TAOK3: variants seen among roughly 807,000 people sequenced by gnomAD.
TAOK3 encodes serine/threonine-protein kinase TAO3.
Under a neutral mutation model 120.4 loss-of-function variants are expected in TAOK3, and 40 were observed. The observed-to-expected ratio is 0.33, with a 90% confidence interval of 0.26 to 0.43. TAOK3 has a LOEUF of 0.43. Among genes scored for constraint, TAOK3 ranks in the 20% least tolerant of loss-of-function variants. TAOK3 has a pLI of 1.00. For synonymous variants in TAOK3, 355 were observed against 387.5 expected (o/e 0.92, Z 0.99); for missense variants, 821 against 1,112.1 (o/e 0.74, Z 3.72).
intron 9 of TAOK3, among the ~76,000 whole-genome samples, chr12:118,217,380 T>C (rs918760279): frequency 5.3e-5 from 8 of 152,276 alleles, no homozygotes; most frequent in Non-Finnish European, 8.8e-5. Flanking sequence ...AAGTGATTTC[T>C]GTACCTCTGA....
At chr12:118,194,217 T>G (rs17512198) in intron 13 of TAOK3, among the ~76,000 whole-genome samples, 18,285 of 152,152 alleles carry the variant, frequency 0.12, 1,195 homozygotes, top group Middle Eastern at 0.15. Flanking sequence ...CTCCCACACT[T>G]TCTACGCTGT....
At chr12:118,186,424 A>G (rs1041649888) in intron 14 of TAOK3, among the ~76,000 whole-genome samples, 1 of 152,194 alleles carries the variant, frequency 6.6e-6, no homozygotes, top group Non-Finnish European at 1.5e-5. Context: ...CAGACACTAC[A>G]AAGTTTTCAG....
rs761465594 is a variant in TAOK3 at position 118,160,864 on chromosome 12, T to C, written c.2140-506A>G. 7.9e-5 allele frequency among the ~76,000 whole-genome samples: 12 copies of C among 152,238 alleles called. No individual in the cohort carries two copies. The highest frequency in any genetic ancestry group is 1.5e-4 in the Non-Finnish European group (10 of 68,044). On this transcript the variant is annotated intron_variant, in intron 18 of 20. Coordinates refer to ENST00000392533, the MANE Select transcript of TAOK3 (RefSeq NM_016281.4). This position sits in a 1 kb window ranked among gnomAD's most constrained non-coding sequence, Gnocchi z 4.2. ...TATCAACTCCATAAAGGAGAGTATATGGATGGTACCTTATATCCTAACGCA... is the reference window on the plus strand; with the variant it reads ...TATCAACTCCATAAAGGAGAGTATACGGATGGTACCTTATATCCTAACGCA...
chr12:118,184,513 T>A (rs1276413565), intron 14 of TAOK3, among the ~76,000 whole-genome samples: 1 of 152,174 alleles, frequency 6.6e-6, no homozygotes, highest in Non-Finnish European at 1.5e-5. Context: ...CCTCTTTAAT[T>A]TTTAGAAGGC....
At chr12:118,215,618 G>T (rs1565959952) in intron 9 of TAOK3, among the ~76,000 whole-genome samples, 2 of 152,086 alleles carry the variant, frequency 1.3e-5, no homozygotes, top group Admixed American at 1.3e-4. Flanking sequence ...TAATTGCTAG[G>T]GGTGACAGTA....
intron 2 of TAOK3, among the ~76,000 whole-genome samples, chr12:118,265,237 A>G (rs899301355): frequency 2.0e-5 from 3 of 151,346 alleles, no homozygotes; most frequent in Non-Finnish European, 2.9e-5. Flanking sequence ...AAAAATACAA[A>G]AACTAGCCGG....
intron 9 of TAOK3, among the ~76,000 whole-genome samples, chr12:118,223,779 G>C (rs868212888): frequency 6.6e-6 from 1 of 151,966 alleles, no homozygotes; most frequent in Non-Finnish European, 1.5e-5. Flanking sequence ...AAGTAGCTGG[G>C]ACTACAGGTG....
At chr12:118,215,171 A>G (rs61945179) in intron 9 of TAOK3, among the ~76,000 whole-genome samples, 102,769 of 145,700 alleles carry the variant, frequency 0.71, 36,207 homozygotes, top group South Asian at 0.72. Context: ...GAGCCACTGC[A>G]CCCAGTCCCA....
rs375327389 is a variant in TAOK3, at chr12:118,245,010, T to C, written c.121-45A>G. The C allele has an allele frequency of 6.1e-6, 8 of 1,313,420 alleles. No individual in the cohort carries two copies. The South Asian group carries it at 9.9e-5, about 16-fold the overall frequency. 81.4% of individuals were successfully genotyped at this position (1,313,420 alleles called of 1,614,324 possible). A position where few individuals can be genotyped will look rare whatever the true frequency, so the allele number is the denominator to read the frequency against. ...GAAAAAGAAAAAGAATTAGTGATGT[T>C]TCAGCCAATTTAACTTAAATATTTG... On this transcript the variant is annotated intron_variant, in intron 3 of 20. Transcript: ENST00000392533.
Position 118,266,930 on chromosome 12 carries a change from CA to C in TAOK3, c.-193-172del, listed in dbSNP as rs139157548. 7.5e-3 allele frequency among the ~76,000 whole-genome samples: 1,149 copies of C among 152,282 alleles called. 12 individuals carry two copies. Among genetic ancestry groups the C allele is most frequent in the African/African-American group, 0.027 (1,118 of 41,550 alleles). ...AGGTAAGATGCTCAAAACAAAGATG[CA>C]AGCTACTCTTTCACAGGCAATATCT... On this transcript the variant is annotated intron_variant, in intron 1 of 20. Coordinates refer to ENST00000392533, the MANE Select transcript of TAOK3 (RefSeq NM_016281.4).
intron 1 of TAOK3, among the ~76,000 whole-genome samples, chr12:118,314,149 C>T (rs1246251015): frequency 3.9e-5 from 6 of 152,114 alleles, no homozygotes; most frequent in Admixed American, 2.6e-4. Flanking sequence ...CTGAAATTAA[C>T]GTTACAGGAA....
At position 118,269,843 on chromosome 12, in the gene TAOK3, G is replaced by A. The variant is rs7296528; in HGVS notation, c.-193-3084C>T. On this transcript the variant is annotated intron_variant, in intron 1 of 20. Coordinates refer to ENST00000392533, the MANE Select transcript of TAOK3 (RefSeq NM_016281.4). ...ATATTGCATTGCTATTGAAGCTGAA[G>A]ACAGTATTCCTGAAGTTCATCCATT... 7.1e-3 allele frequency among the ~76,000 whole-genome samples: 1,075 copies of A among 152,218 alleles called. 7 individuals carry two copies. Among genetic ancestry groups the A allele is most frequent in the Middle Eastern group, 0.017 (5 of 294 alleles).
rs1343303278 is a variant in TAOK3, at chr12:118,243,464, G to A, written c.245C>T (p.Pro82Leu). Residue 82 changes from proline to leucine, a missense_variant, in exon 5 of 21, where the codon CCT becomes CTT. This residue lies in a region of TAOK3 where 467 missense variants were observed against 540.0 expected (regional missense o/e 0.86). Coordinates refer to ENST00000392533, the MANE Select transcript of TAOK3 (RefSeq NM_016281.4). ...ACAGCCTTTGTACTCAATAGTATTA[G>A]GATGCTTCAATTGTCGTAAAAATTT... Reference protein sequence around the residue: ...EVKFLRQLKHPNTIEYKGCYL... With the variant: ...EVKFLRQLKHLNTIEYKGCYL... 2.6e-6 allele frequency: 4 copies of A among 1,549,268 alleles called. No homozygotes were observed. The highest frequency in any genetic ancestry group is 1.7e-6 in the Non-Finnish European group (2 of 1,156,312).
rs1464962847 is a variant in TAOK3, at chr12:118,332,544, A to T, written c.-194+40104T>A. On this transcript the variant is annotated intron_variant, in intron 1 of 20. Transcript: ENST00000392533. Reference sequence around the variant, plus strand: ...TATCTTGTACTTCTTTTTTATTATGAGGCTATAGCTAGATAAAAATAAATA... The same window carrying T: ...TATCTTGTACTTCTTTTTTATTATGTGGCTATAGCTAGATAAAAATAAATA... 2.6e-5 allele frequency among the ~76,000 whole-genome samples: 4 copies of T among 152,212 alleles called. No homozygotes were observed. In the South Asian group the frequency reaches 8.3e-4, roughly 32 times the overall value.
At chr12:118,246,828 A>C (rs2040535068) in intron 3 of TAOK3, 1 of 1,290,530 alleles carries the variant, frequency 7.7e-7, no homozygotes, top group Non-Finnish European at 1.1e-6. Context: ...TAAGACCTAC[A>C]GCTACCTGAC....
chr12:118,218,050 C>T (rs752595772), intron 9 of TAOK3, among the ~76,000 whole-genome samples: 5 of 150,302 alleles, frequency 3.3e-5, no homozygotes, highest in South Asian at 2.1e-4. Context: ...TTAGTAGAGA[C>T]GGGGTTTCAC....
At chr12:118,152,661 C>T (rs1041375965) in intron 19 of TAOK3, 3 of 419,036 alleles carry the variant, frequency 7.2e-6, no homozygotes, top group Admixed American at 3.7e-5. Context: ...AGGAAGGCTA[C>T]ACCTGTGGGC....
At chr12:118,225,246 C>CAAAAAAAAAAAA in intron 9 of TAOK3, among the ~76,000 whole-genome samples, 1 of 75,866 alleles carries the variant, frequency 1.3e-5, no homozygotes, top group Non-Finnish European at 2.5e-5. Flanking sequence ...GAGACTGTCT[C>CAAAAAAAAAAAA]AAAAAAAAAA....
intron 2 of TAOK3, among the ~76,000 whole-genome samples, chr12:118,265,015 C>A (rs1336580446): frequency 6.6e-6 from 1 of 151,842 alleles, no homozygotes; most frequent in Non-Finnish European, 1.5e-5. Flanking sequence ...GCCTGGGCAA[C>A]AGAGCGAGAC....
Sources: allele counts gnomAD v4.1 joint callset (sites outside exome capture counted in the v4.1 genomes callset), GRCh38; gene constraint gnomAD v4.1.1; regional missense constraint gnomAD v4.1.1; non-coding constraint Gnocchi (gnomAD v3.1); transcripts MANE v1.5; gene names NCBI Gene and HGNC (gene_info 2026-07-23, HGNC 2026-07-21).